Variants in ZNF782 observed in about 807,000 individuals in gnomAD.
The protein encoded by ZNF782 is zinc finger protein 782.
A neutral mutation model predicts 13.0 loss-of-function variants in ZNF782; 12 were observed. The ratio of observed to expected loss-of-function variants is 0.92; its 90% confidence interval spans 0.59 to 1.50. The LOEUF is 1.50. Among genes scored for constraint, ZNF782 ranks in the 40% most tolerant of loss-of-function variants. ZNF782 has a pLI of 0.00. For synonymous variants in ZNF782, 284 were observed against 283.0 expected (o/e 1.00, Z -0.04); for missense variants, 770 against 822.9 (o/e 0.94, Z 0.79).
the ZNF782 span, among the ~76,000 whole-genome samples, chr9:96,920,177 C>A: frequency 6.7e-5 from 10 of 149,852 alleles, no homozygotes; most frequent in Non-Finnish European, 4.4e-5. Context: ...GGAAAGGGCA[C>A]TTGGGGTTTA....
chr9:96,846,740 A>G (rs1415121162), intron 3 of ZNF782, among the ~76,000 whole-genome samples: 1 of 152,214 alleles, frequency 6.6e-6, no homozygotes, highest in African/African-American at 2.4e-5. Context: ...CAATACAATA[A>G]TAGTGGGAAA....
chr9:96,824,862 C>T (rs1850560548), intron 5 of ZNF782, among the ~76,000 whole-genome samples: 1 of 148,774 alleles, frequency 6.7e-6, no homozygotes, highest in Admixed American at 6.7e-5. Flanking sequence ...TGTGAAGGAC[C>T]TCTTCAAGGA....
chr9:96,896,723 G>C, the ZNF782 span, among the ~76,000 whole-genome samples: 3 of 152,300 alleles, frequency 2.0e-5, no homozygotes, highest in African/African-American at 4.8e-5. Context: ...CAGGATAAAA[G>C]CAGGCTCTGC....
the ZNF782 span, among the ~76,000 whole-genome samples, chr9:96,933,367 G>C: frequency 6.7e-6 from 1 of 150,190 alleles, no homozygotes; most frequent in Non-Finnish European, 1.5e-5. Context: ...TTTGGGTTTA[G>C]GTCTTTTTTG....
chr9:96,885,983 G>A, the ZNF782 span, among the ~76,000 whole-genome samples: 1 of 152,024 alleles, frequency 6.6e-6, no homozygotes, highest in African/African-American at 2.4e-5. Flanking sequence ...AAGCAGCTGG[G>A]ACCACAGGCA....
chr9:96,835,141 CT>C (rs1564003184), intron 4 of ZNF782, among the ~76,000 whole-genome samples: 4 of 152,126 alleles, frequency 2.6e-5, no homozygotes, highest in Non-Finnish European at 5.9e-5. Flanking sequence ...GAAGGCAGAA[CT>C]TAAGAGTGGT....
In ZNF782 at chr9:96,817,624, C is replaced by T. The variant is rs1020664101; in HGVS notation, c.*299G>A. On this transcript the variant is annotated 3_prime_UTR_variant, in exon 6 of 6. Transcript: ENST00000481138. ...TTACTTTCTCAGAGCTTTTCTGCAG[C>T]GTGAGTTTTCTGAGGAGTGAGTTCG... is the stretch of plus-strand genomic sequence containing the variant. The T allele has an allele frequency of 1.5e-5, 4 of 260,656 alleles. No homozygotes were observed. Among genetic ancestry groups the T allele is most frequent in the African/African-American group, 4.4e-5 (2 of 45,356 alleles). The allele number at this position is 260,656 out of a possible 1,614,324, so 16.1% of individuals were successfully genotyped here. A position where few individuals can be genotyped will look rare whatever the true frequency, so the allele number is the denominator to read the frequency against.
intron 4 of ZNF782, among the ~76,000 whole-genome samples, chr9:96,842,218 T>A (rs887448505): frequency 3.9e-5 from 6 of 152,150 alleles, no homozygotes; most frequent in Middle Eastern, 3.4e-3. Context: ...AAATATATTG[T>A]GTTTATGGAT....
the ZNF782 span, among the ~76,000 whole-genome samples, chr9:96,912,125 CG>C: frequency 3.3e-4 from 47 of 140,968 alleles, no homozygotes; most frequent in Non-Finnish European, 6.3e-4. Flanking sequence ...CGCTTCAACC[CG>C]GGAGTCGGAG....
At chr9:96,889,669 T>G in the ZNF782 span, 1 of 152,290 alleles carries the variant, frequency 6.6e-6, no homozygotes, top group Non-Finnish European at 1.5e-5. Flanking sequence ...CCAAAGTGCT[T>G]GGATTAGAGG....
At chr9:96,903,708 G>A in the ZNF782 span, among the ~76,000 whole-genome samples, 36 of 151,170 alleles carry the variant, frequency 2.4e-4, no homozygotes, top group African/African-American at 7.3e-4. Context: ...GACTACAGGC[G>A]CCCGCCACCA....
At chr9:96,888,475 T>C in the ZNF782 span, 1 of 152,134 alleles carries the variant, frequency 6.6e-6, no homozygotes, top group Admixed American at 6.5e-5. Context: ...TTCTCAGCAA[T>C]TGATAAAACT....
At chr9:96,931,212 G>A in the ZNF782 span, among the ~76,000 whole-genome samples, 1 of 151,808 alleles carries the variant, frequency 6.6e-6, no homozygotes, top group South Asian at 2.1e-4. Flanking sequence ...CTTTTGTTGT[G>A]TTGAGCTAGG....
At chr9:96,913,599 C>A in the ZNF782 span, among the ~76,000 whole-genome samples, 53 of 150,562 alleles carry the variant, frequency 3.5e-4, no homozygotes, top group African/African-American at 1.3e-3. Context: ...TCTTGGCTCG[C>A]TGCAACCTCC....
chr9:96,879,913 C>T (rs1466479634), upstream of ZNF782, among the ~76,000 whole-genome samples: 1 of 152,084 alleles, frequency 6.6e-6, no homozygotes, highest in Non-Finnish European at 1.5e-5. Flanking sequence ...TCTGTGTAGA[C>T]AAACATGCAA....
Position 96,818,899 on chromosome 9 carries a change from C to T in ZNF782, c.1124G>A (p.Cys375Tyr), listed in dbSNP as rs1329688192. The T allele has an allele frequency of 5.0e-6, 8 of 1,614,140 alleles. No individual in the cohort carries two copies. In the East Asian group the frequency reaches 1.8e-4, roughly 36 times the overall value. ...CCAAATCAAGTGTGAATTCATAGAG[C>T]AGGATTTCCCACATTCATTATACTC... ...PYEYNECGKSCSMNSHLIWPQ... is the reference protein window; with the variant it reads ...PYEYNECGKSYSMNSHLIWPQ... Residue 375 changes from cysteine (C) to tyrosine (Y), a missense_variant, in exon 6 of 6, where the codon TGC becomes TAC. Cys to Tyr is a radical substitution (Grantham distance 194). Transcript: ENST00000481138.
intron 3 of ZNF782, among the ~76,000 whole-genome samples, chr9:96,859,684 C>G (rs7033029): frequency 0.078 from 11,904 of 152,164 alleles, 1,422 homozygotes; most frequent in African/African-American, 0.26. Flanking sequence ...GGTGTGACCC[C>G]GCACATTCCC....
At chr9:96,837,529 T>C (rs1356815559) in intron 4 of ZNF782, among the ~76,000 whole-genome samples, 1 of 152,186 alleles carries the variant, frequency 6.6e-6, no homozygotes, top group South Asian at 2.1e-4. Flanking sequence ...ATTCTTTCAT[T>C]ATCTCTCTTC....
chr9:96,820,405 T>C (rs943984410), intron 5 of ZNF782, among the ~76,000 whole-genome samples: 3 of 152,180 alleles, frequency 2.0e-5, no homozygotes, highest in African/African-American at 7.2e-5. Flanking sequence ...TGCATTATCA[T>C]CAAAGGAACA....
Sources: allele counts gnomAD v4.1 joint callset (sites outside exome capture counted in the v4.1 genomes callset), GRCh38; gene constraint gnomAD v4.1.1; transcripts MANE v1.5; gene names NCBI Gene and HGNC (gene_info 2026-07-23, HGNC 2026-07-21).